Variants in DUSP3 observed in about 807,000 individuals in gnomAD.
DUSP3 encodes dual specificity phosphatase 3, also known as dual specificity protein phosphatase 3.
In DUSP3, 7 loss-of-function variants were observed where a neutral mutation model predicts 15.5. The observed-to-expected ratio is 0.45, with a 90% confidence interval of 0.26 to 0.85. The LOEUF is 0.85. Ranked by LOEUF, DUSP3 falls within the 40% of genes least tolerant of loss-of-function variation. The pLI is 0.18. For missense variants in DUSP3, 209 were observed against 251.7 expected (o/e 0.83, Z 1.15); for synonymous variants, 86 against 104.2 (o/e 0.83, Z 1.07).
At chr17:43,770,485 G>A (rs1460590959) in intron 2 of DUSP3, among the ~76,000 whole-genome samples, 11 of 151,768 alleles carry the variant, frequency 7.2e-5, no homozygotes, top group Admixed American at 3.3e-4. Flanking sequence ...GTGAAATCCC[G>A]TCTTTACTAA....
At chr17:43,770,377 G>A (rs1213952715) in intron 2 of DUSP3, among the ~76,000 whole-genome samples, 1 of 152,234 alleles carries the variant, frequency 6.6e-6, no homozygotes, top group African/African-American at 2.4e-5. Flanking sequence ...CCTGCAAGGG[G>A]CTGGGCACAG....
intron 1 of DUSP3, among the ~76,000 whole-genome samples, chr17:43,775,141 G>A (rs1164833099): frequency 6.6e-6 from 1 of 152,174 alleles, no homozygotes; most frequent in Non-Finnish European, 1.5e-5. Context: ...AAATAGACTG[G>A]TGGTTTCATA....
At chr17:43,777,645 T>A in intron 1 of DUSP3, 1 of 436,966 alleles carries the variant, frequency 2.3e-6, no homozygotes, top group Non-Finnish European at 4.6e-6. Flanking sequence ...ATCCTTGGGC[T>A]GAGCCATGAA....
Position 43,774,773 on chromosome 17 carries a change from G to A in DUSP3, c.291C>T (p.Asn97=). 1 of 1,614,208 alleles carries A rather than the reference G, an allele frequency of 6.2e-7. No homozygotes were observed. The highest frequency in any genetic ancestry group is 2.2e-5 in the East Asian group (1 of 44,882). The change falls in exon 2 of 3, where the codon AAC becomes AAT. Residue 97 remains asparagine (N), a synonymous_variant. Coordinates refer to ENST00000226004, the MANE Select transcript of DUSP3 (RefSeq NM_004090.4). ...GIKANDTQEF[N]LSAYFERAAD... ...CAGCCCTTTCAAAGTAAGCGCTGAG[G>A]TTGAACTCCTGTGTGTCGTTGGCCT...
At chr17:43,775,128 C>G (rs1974371323) in intron 1 of DUSP3, among the ~76,000 whole-genome samples, 190 bp from the exon 2 acceptor site, 1 of 152,210 alleles carries the variant, frequency 6.6e-6, no homozygotes, top group African/African-American at 2.4e-5. Flanking sequence ...CAGCAGCTTC[C>G]CCAAATAGAC....
chr17:43,775,967 C>T (rs1434044460), intron 1 of DUSP3, among the ~76,000 whole-genome samples: 2 of 151,906 alleles, frequency 1.3e-5, no homozygotes, highest in Non-Finnish European at 1.5e-5. Context: ...AAAAGTGAGC[C>T]GGGTGTGGTG....
chr17:43,778,920 G>C lies in DUSP3; in HGVS notation c.5C>G (p.Ser2Trp). 1.4e-6 allele frequency: 2 copies of C among 1,463,192 alleles called. No homozygotes were observed. The highest frequency in any genetic ancestry group is 1.8e-6 in the Non-Finnish European group (2 of 1,103,766). 90.6% of individuals were successfully genotyped at this position (1,463,192 alleles called of 1,614,324 possible). The change falls in exon 1 of 3, where the codon TCG (serine) becomes TGG (tryptophan). Residue 2 changes from serine to tryptophan, a missense_variant. Transcript: ENST00000226004. ...CTGCACCGAGAGCTCGAACGAGCCCGACATGGCGGCGGCGGGGCCCTGCAC... is the reference window on the plus strand; with the variant it reads ...CTGCACCGAGAGCTCGAACGAGCCCCACATGGCGGCGGCGGGGCCCTGCAC... MSGSFELSVQDL... is the reference protein window; with the variant it reads MWGSFELSVQDL...
intron 2 of DUSP3, among the ~76,000 whole-genome samples, chr17:43,771,368 G>A (rs1567781610): frequency 6.6e-6 from 1 of 152,070 alleles, no homozygotes; most frequent in Non-Finnish European, 1.5e-5. Context: ...CCACAGATGT[G>A]GAACCCACGG....
chr17:43,767,550 G>A lies in DUSP3; in HGVS notation c.*2059C>T, dbSNP rs1974256804. ...CTTATGGAGCTGGACAACCCTGGGG[G>A]CCAGGCCCTTAATCATTCTGAACCT... On this transcript the variant is annotated 3_prime_UTR_variant, in exon 3 of 3. Coordinates refer to ENST00000226004, the MANE Select transcript of DUSP3 (RefSeq NM_004090.4). 2 of 152,510 alleles carry A rather than the reference G, an allele frequency of 1.3e-5. No individual in the cohort carries two copies. Among genetic ancestry groups the A allele is most frequent in the South Asian group, 4.1e-4 (2 of 4,826 alleles). 9.4% of individuals were successfully genotyped at this position (152,510 alleles called of 1,614,324 possible).
At position 43,769,357 on chromosome 17, in the gene DUSP3, A is replaced by C. The variant is rs1974281510; in HGVS notation, c.*252T>G. 1.0e-5 allele frequency: 5 copies of C among 481,708 alleles called. No homozygotes were observed. In the South Asian group the frequency reaches 1.1e-4, roughly 10 times the overall value. 29.8% of individuals were successfully genotyped at this position (481,708 alleles called of 1,614,324 possible). ...ACAGGCCTTCCCCCTCTGAGCCCCC[A>C]TCTCAGGGAAAAGACATCATAAGTT... is the stretch of plus-strand genomic sequence containing the variant. On this transcript the variant is annotated 3_prime_UTR_variant, in exon 3 of 3. Coordinates refer to ENST00000226004, the MANE Select transcript of DUSP3 (RefSeq NM_004090.4).
rs1167129608 is a variant in DUSP3, at chr17:43,766,601, C to A, written c.*3008G>T. On this transcript the variant is annotated 3_prime_UTR_variant, in exon 3 of 3. Coordinates refer to ENST00000226004, the MANE Select transcript of DUSP3 (RefSeq NM_004090.4). ...CCATCACCATGGGTGGAAGGCAGCG[C>A]CACCTGCTGCCCATCATATTATGGC... The A allele has an allele frequency of 6.6e-6, 1 of 152,432 alleles. No homozygotes were observed. The highest frequency in any genetic ancestry group is 2.4e-5 in the African/African-American group (1 of 41,342). 9.4% of individuals were successfully genotyped at this position (152,432 alleles called of 1,614,324 possible).
intron 2 of DUSP3, chr17:43,774,111 TAAAAAAAAAAA>T (rs556992898): frequency 3.9e-4 from 25 of 64,902 alleles, no homozygotes; most frequent in Admixed American, 7.0e-4. Context: ...AAACTCCATC[TAAAAAAAAAAA>T]AAAAAAAAAA....
At position 43,769,458 on chromosome 17, in the gene DUSP3, G is replaced by C. The variant is rs1200711907; in HGVS notation, c.*151C>G. On this transcript the variant is annotated 3_prime_UTR_variant, in exon 3 of 3. Transcript: ENST00000226004. ...TTATGTGCTCCCCAGGGTGGGGAAA[G>C]TGGCCCAGGACTGTGTTGGGACACA... is the stretch of plus-strand genomic sequence containing the variant. The C allele has an allele frequency of 1.2e-5, 10 of 855,034 alleles. No individual in the cohort carries two copies. The highest frequency in any genetic ancestry group is 1.2e-5 in the Non-Finnish European group (7 of 576,006). The allele number at this position is 855,034 out of a possible 1,614,324, so 53.0% of individuals were successfully genotyped here.
Position 43,767,164 on chromosome 17 carries a change from A to G in DUSP3, c.*2445T>C, listed in dbSNP as rs1303915202. On this transcript the variant is annotated 3_prime_UTR_variant, in exon 3 of 3. Coordinates refer to ENST00000226004, the MANE Select transcript of DUSP3 (RefSeq NM_004090.4). ...TTTTCTCCCTCATGCCCCCACAGAG[A>G]CTTTCGAGAGGTCCTAGTTAGCCAG... is the stretch of plus-strand genomic sequence containing the variant. The G allele has an allele frequency of 1.3e-5, 2 of 152,516 alleles. No homozygotes were observed. The highest frequency in any genetic ancestry group is 2.4e-5 in the African/African-American group (1 of 41,406). The allele number at this position is 152,516 out of a possible 1,614,324, so 9.4% of individuals were successfully genotyped here.
intron 1 of DUSP3, chr17:43,777,841 A>T (rs939056624): frequency 4.0e-5 from 7 of 173,496 alleles, no homozygotes; most frequent in Admixed American, 6.1e-5. Flanking sequence ...AATTTAAATT[A>T]AAAAAAATCT....
chr17:43,770,138 A>G (rs903962207), intron 2 of DUSP3, among the ~76,000 whole-genome samples: 1 of 152,170 alleles, frequency 6.6e-6, no homozygotes, highest in African/African-American at 2.4e-5. Flanking sequence ...CAGGTCCAAT[A>G]GAGATACGCA....
At chr17:43,770,071 A>G (rs1974295428) in intron 2 of DUSP3, among the ~76,000 whole-genome samples, 1 of 152,110 alleles carries the variant, frequency 6.6e-6, no homozygotes, top group African/African-American at 2.4e-5. Flanking sequence ...GCACGGCGGT[A>G]TCTCCTCAAG....
At position 43,775,009 on chromosome 17, in the gene DUSP3, G is replaced by A. The variant is rs189178799; in HGVS notation, c.126-71C>T. On this transcript the variant is annotated intron_variant, in intron 1 of 2. Transcript: ENST00000226004. The stretch of plus-strand genomic sequence containing the variant: ...GCCCCAGGGGGAGGAAGATGGAGAA[G>A]GATTTAAGCCTCTTAGCAAAGCAAG... 871 of 1,500,306 alleles carry A rather than the reference G, an allele frequency of 5.8e-4. 5 individuals carry two copies. In the East Asian group the frequency reaches 0.016, roughly 27 times the overall value. The allele number at this position is 1,500,306 out of a possible 1,614,324, so 92.9% of individuals were successfully genotyped here.
chr17:43,778,606 G>A (rs1195554025), intron 1 of DUSP3, among the ~76,000 whole-genome samples, 194 bp downstream of exon 1: 1 of 152,144 alleles, frequency 6.6e-6, no homozygotes, highest in East Asian at 1.9e-4. Flanking sequence ...GCCAGGCAGG[G>A]TTCCAGTTCC....
Sources: allele counts gnomAD v4.1 joint callset (sites outside exome capture counted in the v4.1 genomes callset), GRCh38; gene constraint gnomAD v4.1.1; transcripts MANE v1.5; gene names NCBI Gene and HGNC (gene_info 2026-07-23, HGNC 2026-07-21).